NFIB: variants seen among roughly 807,000 people sequenced by gnomAD.
NFIB encodes the protein nuclear factor I B, also known as nuclear factor 1 B-type.
NFIB carries 11 observed loss-of-function variants against 61.5 expected under a neutral mutation model. The ratio of observed to expected loss-of-function variants is 0.18; its 90% confidence interval spans 0.11 to 0.30. The LOEUF (loss-of-function observed/expected upper bound fraction) is 0.30. Ranked by LOEUF, NFIB falls within the 10% of genes least tolerant of loss-of-function variation. NFIB has a pLI of 1.00. For missense variants in NFIB, 471 were observed against 608.9 expected (o/e 0.77, Z 2.38); for synonymous variants, 260 against 216.5 (o/e 1.20, Z -1.76).
At position 14,288,114 on chromosome 9, in the gene NFIB, T is replaced by C. The variant is rs2058837753; in HGVS notation, c.562+18875A>G. On this transcript the variant is annotated intron_variant, in intron 2 of 10. Transcript: ENST00000380953. Reference sequence around the variant, plus strand: ...TTTTTTAATTGCCTATAGAATTATCTTCTCAATTCCAAAATATCTTAAAAC... The same window carrying C: ...TTTTTTAATTGCCTATAGAATTATCCTCTCAATTCCAAAATATCTTAAAAC... Among the ~76,000 whole-genome samples, 3 of 152,084 alleles carry C rather than the reference T, an allele frequency of 2.0e-5. No individual in the cohort carries two copies. In the South Asian group the frequency reaches 6.2e-4, roughly 31 times the overall value.
intron 1 of NFIB, among the ~76,000 whole-genome samples, chr9:14,371,195 A>G (rs990152074): frequency 2.6e-5 from 4 of 152,214 alleles, no homozygotes. Flanking sequence ...ACCTTTTCTT[A>G]TAGCTATGCA....
intron 2 of NFIB, among the ~76,000 whole-genome samples, chr9:14,195,439 T>C (rs2048367796): frequency 6.6e-6 from 1 of 152,266 alleles, no homozygotes; most frequent in South Asian, 2.1e-4. Context: ...AACATCAAGC[T>C]AATTTTGTGA....
intron 6 of NFIB, among the ~76,000 whole-genome samples, chr9:14,129,400 A>G (rs1261695347): frequency 6.6e-6 from 1 of 151,604 alleles, no homozygotes; most frequent in Non-Finnish European, 1.5e-5. Context: ...AAAAAAAAAA[A>G]AGACAAAAAA....
At chr9:14,386,005 A>G (rs1297602430) in intron 1 of NFIB, among the ~76,000 whole-genome samples, 3 of 151,666 alleles carry the variant, frequency 2.0e-5, no homozygotes, top group Admixed American at 6.6e-5. Context: ...CTGGTCTCAA[A>G]CTCCTGACCT....
At chr9:14,146,539 C>A in intron 6 of NFIB, 150 bp downstream of exon 6, 1 of 1,173,164 alleles carries the variant, frequency 8.5e-7, no homozygotes, top group Non-Finnish European at 1.2e-6. Flanking sequence ...ATTTGACTAA[C>A]ATTATCTCAA....
intron 10 of NFIB, among the ~76,000 whole-genome samples, chr9:14,101,726 C>A (rs1039409405): frequency 6.6e-6 from 1 of 152,336 alleles, no homozygotes; most frequent in Admixed American, 6.5e-5. Flanking sequence ...GAAATACTTA[C>A]TTTCTAAAGG....
At chr9:14,444,535 G>A in the NFIB span, among the ~76,000 whole-genome samples, 1 of 152,134 alleles carries the variant, frequency 6.6e-6, no homozygotes, top group Non-Finnish European at 1.5e-5. Context: ...TATCCCTGAA[G>A]GTGTTACTTA....
At chr9:14,303,220 T>C (rs1352588092) in intron 2 of NFIB, among the ~76,000 whole-genome samples, 2 of 152,160 alleles carry the variant, frequency 1.3e-5, no homozygotes, top group Non-Finnish European at 2.9e-5. Flanking sequence ...GCATAGCAAA[T>C]AAGCAGTGAT....
chr9:14,456,798 C>T, the NFIB span, among the ~76,000 whole-genome samples: 509 of 152,176 alleles, frequency 3.3e-3, 7 homozygotes, highest in African/African-American at 0.011. Context: ...TCAAAAGCAC[C>T]GAAGAACATA....
rs546452680 is a variant in NFIB at position 14,321,964 on chromosome 9, A to G, written c.109-14444T>C. On this transcript the variant is annotated intron_variant, in intron 1 of 8. Transcript: ENST00000380934. ...ACCATCGCACTGTATTGCATTAAAT[A>G]AAAGAGATCTTGAGTCTGTAACAGA... 9.0e-4 allele frequency: 1,110 copies of G among 1,231,600 alleles called. 3 individuals carry two copies. Among genetic ancestry groups the G allele is most frequent in the Non-Finnish European group, 1.1e-3 (1,043 of 987,956 alleles). The allele number at this position is 1,231,600 out of a possible 1,614,324, so 76.3% of individuals were successfully genotyped here. A position where few individuals can be genotyped will look rare whatever the true frequency, so the allele number is the denominator to read the frequency against.
intron 2 of NFIB, among the ~76,000 whole-genome samples, chr9:14,209,008 G>A (rs1377997375): frequency 6.6e-6 from 1 of 152,160 alleles, no homozygotes; most frequent in Non-Finnish European, 1.5e-5. Flanking sequence ...CTGATAAGTA[G>A]CATGTCAGAG....
intron 2 of NFIB, among the ~76,000 whole-genome samples, chr9:14,271,868 C>T (rs532408129): frequency 7.9e-5 from 12 of 152,300 alleles, no homozygotes; most frequent in Middle Eastern, 3.4e-3. Context: ...CTTAAAAACA[C>T]TCATAAGAAC....
At chr9:14,520,087 T>C in the NFIB span, among the ~76,000 whole-genome samples, 152 of 151,938 alleles carry the variant, frequency 1.0e-3, no homozygotes, top group Non-Finnish European at 9.7e-4. Context: ...CACATGAGGA[T>C]ATGTGAGGCA....
the NFIB span, among the ~76,000 whole-genome samples, chr9:14,441,447 G>T: frequency 1.3e-5 from 2 of 152,120 alleles, no homozygotes; most frequent in Non-Finnish European, 2.9e-5. Flanking sequence ...TATGGTGAAC[G>T]TGCTTATAGT....
chr9:14,151,043 T>C lies in NFIB; in HGVS notation c.686-778A>G, dbSNP rs142563933. 1.9e-3 allele frequency among the ~76,000 whole-genome samples: 287 copies of C among 152,260 alleles called. 2 individuals are homozygous for C. Among genetic ancestry groups the C allele is most frequent in the Middle Eastern group, 3.4e-3 (1 of 294 alleles). On this transcript the variant is annotated intron_variant, in intron 4 of 10. Transcript: ENST00000380953. ...AATCAGCAGAGTCTTGAGAGATAAATAGCCTTTTAGTTTAAACTCCCTCTG... is the reference window on the plus strand; with the variant it reads ...AATCAGCAGAGTCTTGAGAGATAAACAGCCTTTTAGTTTAAACTCCCTCTG...
chr9:14,421,227 G>C, the NFIB span, among the ~76,000 whole-genome samples: 3 of 151,826 alleles, frequency 2.0e-5, no homozygotes, highest in Non-Finnish European at 2.9e-5. Flanking sequence ...TATTAAATGA[G>C]ATAAATAACA....
chr9:14,216,508 C>T (rs887864063), intron 2 of NFIB, among the ~76,000 whole-genome samples: 1 of 4,224 alleles, frequency 2.4e-4, no homozygotes, highest in African/African-American at 8.4e-4. Context: ...CTCTCTCTCT[C>T]TCTCTCTCTC....
the NFIB span, among the ~76,000 whole-genome samples, chr9:14,474,514 C>T: frequency 3.9e-5 from 6 of 152,142 alleles, no homozygotes; most frequent in East Asian, 1.9e-4. Context: ...AATTTATGTC[C>T]TCCCATTTGT....
chr9:14,443,337 C>G, the NFIB span, among the ~76,000 whole-genome samples: 1 of 152,112 alleles, frequency 6.6e-6, no homozygotes, highest in Admixed American at 6.5e-5. Flanking sequence ...TGAAGCTTCT[C>G]TCAAAAAACA....
Sources: gnomAD v4.1 joint callset for allele counts (sites outside exome capture counted in the v4.1 genomes callset) on GRCh38, gnomAD v4.1.1 for gene constraint, MANE v1.5 for transcripts, NCBI Gene and HGNC (gene_info 2026-07-23, HGNC 2026-07-21) for gene names.